The following NAV2 variants were observed in gnomAD, a reference collection of about 807,000 sequenced individuals.
The protein encoded by NAV2 is helicase, APC down-regulated 1.
NAV2 carries 54 observed loss-of-function variants against 223.2 expected under a neutral mutation model. The ratio of observed to expected loss-of-function variants is 0.24; its 90% CI spans 0.19 to 0.30. The LOEUF (loss-of-function observed/expected upper bound fraction) is 0.30, where lower values mean the gene tolerates loss of function less well. NAV2 is among the 10% of genes least tolerant of loss of function. The pLI, the probability that NAV2 is intolerant of heterozygous loss-of-function variation, is 1.00. For synonymous variants in NAV2, 1,279 were observed against 1,239.3 expected (o/e 1.03, Z -0.67); for missense variants, 2,806 against 3,147.5 (o/e 0.89, Z 2.60).
intron 1 of NAV2, among the ~76,000 whole-genome samples, chr11:19,741,229 A>G (rs896608247): frequency 6.6e-6 from 1 of 152,214 alleles, no homozygotes; most frequent in African/African-American, 2.4e-5. Context: ...AAGCAATTTC[A>G]TATGTCCATC....
At chr11:19,581,149 T>C (rs1234705590) in intron 1 of NAV2, among the ~76,000 whole-genome samples, 1 of 152,208 alleles carries the variant, frequency 6.6e-6, no homozygotes. Flanking sequence ...AGGAGTTCCT[T>C]ATATTTTGTA....
chr11:19,386,340 A>T (rs1022327928), intron 1 of NAV2, among the ~76,000 whole-genome samples: 3 of 152,160 alleles, frequency 2.0e-5, no homozygotes, highest in African/African-American at 4.8e-5. Context: ...GTCTTATGTG[A>T]TCTTGGGCAC....
intron 10 of NAV2, among the ~76,000 whole-genome samples, chr11:19,965,406 C>A (rs1323163459): frequency 6.6e-6 from 1 of 152,052 alleles, no homozygotes; most frequent in Non-Finnish European, 1.5e-5. Context: ...TTTCCCACAC[C>A]CAGAACCCAG....
chr11:19,931,487 A>G (rs533016893), intron 6 of NAV2, among the ~76,000 whole-genome samples: 1 of 151,956 alleles, frequency 6.6e-6, no homozygotes, highest in Non-Finnish European at 1.5e-5. Flanking sequence ...CACGCCCCAC[A>G]CAGGGGCTGC....
chr11:19,441,763 T>C (rs1374895432), intron 1 of NAV2, among the ~76,000 whole-genome samples: 1 of 152,194 alleles, frequency 6.6e-6, no homozygotes, highest in Admixed American at 6.5e-5. Flanking sequence ...ATTTTCTCCC[T>C]TGGCTTCAGC....
At chr11:19,519,759 A>C (rs375026176) in intron 1 of NAV2, 102 of 152,190 alleles carry the variant, frequency 6.7e-4, no homozygotes, top group African/African-American at 2.4e-3. Context: ...CCTGGAGGAG[A>C]ATGTCCTTTA....
chr11:19,452,348 A>G (rs1219012010), intron 1 of NAV2, among the ~76,000 whole-genome samples: 3 of 152,184 alleles, frequency 2.0e-5, no homozygotes, highest in Non-Finnish European at 2.9e-5. Context: ...GAAGATAAAG[A>G]CACAGCTGAC....
intron 10 of NAV2, among the ~76,000 whole-genome samples, chr11:19,980,970 G>A (rs35352446): frequency 0.19 from 28,895 of 152,128 alleles, 4,033 homozygotes; most frequent in African/African-American, 0.4. Context: ...TTAAAAAACA[G>A]TTGAACATGT....
intron 1 of NAV2, among the ~76,000 whole-genome samples, chr11:19,489,701 G>T (rs997323508): frequency 6.6e-6 from 1 of 152,200 alleles, no homozygotes; most frequent in Non-Finnish European, 1.5e-5. Flanking sequence ...TATGAGAATT[G>T]TCTTGTGGAG....
chr11:20,049,275 G>T (rs888765676), intron 15 of NAV2, 80 bp downstream of exon 15: 3 of 1,062,280 alleles, frequency 2.8e-6, no homozygotes, highest in African/African-American at 1.6e-5. Flanking sequence ...AATCCCAAAT[G>T]TCGAATAGCC....
At chr11:19,513,215 T>A (rs1221774714) in intron 1 of NAV2, among the ~76,000 whole-genome samples, 1 of 152,222 alleles carries the variant, frequency 6.6e-6, no homozygotes. Flanking sequence ...CTTTATCTCT[T>A]CCAGTGTGTC....
chr11:20,098,089 A>G (rs570773775), intron 31 of NAV2, among the ~76,000 whole-genome samples: 6 of 152,292 alleles, frequency 3.9e-5, no homozygotes, highest in Non-Finnish European at 7.4e-5. Context: ...CCCGTTCTAC[A>G]GATGGGAAAA....
intron 1 of NAV2, among the ~76,000 whole-genome samples, chr11:19,640,936 G>A (rs1047877932): frequency 1.3e-4 from 20 of 152,192 alleles, no homozygotes; most frequent in Non-Finnish European, 8.8e-5. Flanking sequence ...CACCATTAGC[G>A]CTATACTTCC....
intron 1 of NAV2, among the ~76,000 whole-genome samples, chr11:19,776,632 A>ATGTG (rs71050685): frequency 0.098 from 6,315 of 64,598 alleles, 663 homozygotes; most frequent in Admixed American, 0.14. Flanking sequence ...GGGTCAGAAA[A>ATGTG]TGTGTGTGTG....
chr11:19,495,006 C>A (rs1007401194), intron 1 of NAV2, among the ~76,000 whole-genome samples: 9 of 152,132 alleles, frequency 5.9e-5, no homozygotes, highest in Admixed American at 2.6e-4. Flanking sequence ...GGTCAGGAAC[C>A]CCCTGACAGG....
the NAV2 span, among the ~76,000 whole-genome samples, chr11:19,345,266 G>A: frequency 3.3e-5 from 5 of 152,224 alleles, no homozygotes; most frequent in Middle Eastern, 3.2e-3. This position sits in a 1 kb window ranked among gnomAD's most constrained non-coding sequence, Gnocchi z 5.2. Context: ...AGTGCAGTGC[G>A]AGACCGGCTG....
chr11:19,473,273 G>A (rs982348361), intron 1 of NAV2, among the ~76,000 whole-genome samples: 2 of 152,002 alleles, frequency 1.3e-5, no homozygotes, highest in African/African-American at 4.8e-5. Flanking sequence ...CTTGAAGATA[G>A]GTCAGACATA....
At chr11:19,550,273 G>A (rs1362078785) in intron 1 of NAV2, among the ~76,000 whole-genome samples, 1 of 152,174 alleles carries the variant, frequency 6.6e-6, no homozygotes, top group African/African-American at 2.4e-5. Flanking sequence ...AAAATCAGCT[G>A]AGAAACTCCA....
chr11:19,609,207 A>G (rs1353800910), intron 1 of NAV2, among the ~76,000 whole-genome samples: 4 of 152,216 alleles, frequency 2.6e-5, no homozygotes, highest in South Asian at 4.1e-4. Context: ...TTGAAAGCAG[A>G]TAACACTGTG....
Sources: allele counts gnomAD v4.1 joint callset (sites outside exome capture counted in the v4.1 genomes callset), GRCh38; gene constraint gnomAD v4.1.1; non-coding constraint Gnocchi (gnomAD v3.1); transcripts MANE v1.5; gene names NCBI Gene and HGNC (gene_info 2026-07-23, HGNC 2026-07-21).